LAMA1: variants seen among roughly 807,000 people sequenced by gnomAD.
LAMA1 encodes laminin subunit alpha 1.
LAMA1 carries 219 observed loss-of-function variants against 348.7 expected under a neutral mutation model. The ratio of observed to expected loss-of-function variants is 0.63; its 90% CI spans 0.56 to 0.70. LAMA1 has a LOEUF of 0.70. Among genes scored for constraint, LAMA1 ranks in the 30% least tolerant of loss-of-function variants. The pLI, the probability that LAMA1 is intolerant of heterozygous loss-of-function variation, is 0.00. For synonymous variants in LAMA1, 1,487 were observed against 1,491.0 expected, an observed-to-expected ratio of 1.00 and a Z score of 0.06; for missense variants, 3,744 against 3,888.0, an observed-to-expected ratio of 0.96 and a Z score of 0.99.
intron 11 of LAMA1, 94 bp from the exon 12 acceptor site, chr18:7,037,845 G>A: frequency 1.5e-6 from 2 of 1,305,662 alleles, no homozygotes; most frequent in Non-Finnish European, 2.2e-6. Flanking sequence ...TGAAGAAATG[G>A]GCCAGAAAGC....
chr18:7,083,809 G>A lies in LAMA1; in HGVS notation c.62-3352C>T, dbSNP rs560486250. On this transcript the variant is annotated intron_variant, in intron 1 of 62. Coordinates refer to ENST00000389658, the MANE Select transcript of LAMA1 (RefSeq NM_005559.4). ...GTTGGGGCCGGGCGCAATGGCTCAC[G>A]CCTGTAATCCCAGCACTTCGGGAGG... Among the ~76,000 whole-genome samples the A allele has an allele frequency of 2.7e-3, 406 of 152,112 alleles. 1 individual carries two copies. Among genetic ancestry groups the A allele is most frequent in the Non-Finnish European group, 4.4e-3 (297 of 67,988 alleles).
intron 48 of LAMA1, among the ~76,000 whole-genome samples, chr18:6,968,530 G>T (rs950790780): frequency 2.0e-5 from 3 of 152,196 alleles, no homozygotes; most frequent in Non-Finnish European, 4.4e-5. Context: ...CCTAGCAGAG[G>T]GCCCGGAACG....
Position 7,012,081 on chromosome 18 carries a change from C to A in LAMA1, c.3421G>T (p.Ala1141Ser), listed in dbSNP as rs562297545. The change falls in exon 24 of 63, where the codon GCA (alanine) becomes TCA (serine). Residue 1141 changes from alanine to serine, a missense_variant. Physicochemically the swap from Ala to Ser is moderately conservative, Grantham distance 99 (BLOSUM62 1). Around this residue, in one of 3 missense-constraint regions of LAMA1, gnomAD observed 1,529 missense variants for 1,689.4 expected, o/e 0.91. Transcript: ENST00000389658. ...GGGCTGCAGCCCAGGGGGTTGTCTG[C>A]GCGGAGAGCGAAGGTGCCCTCTCGA... ...ECREGTFALRADNPLGCSPCF... is the reference protein window; with the variant it reads ...ECREGTFALRSDNPLGCSPCF... The A allele has an allele frequency of 6.8e-6, 11 of 1,613,162 alleles. No homozygotes were observed. In the East Asian group the frequency reaches 2.2e-4, roughly 33 times the overall value.
chr18:6,983,315 A>G, intron 39 of LAMA1, 81 bp from the exon 40 acceptor site: 1 of 1,467,158 alleles, frequency 6.8e-7, no homozygotes, highest in Non-Finnish European at 9.5e-7. Context: ...ATAAATGCCT[A>G]CCAGTTTTGA....
chr18:6,992,463 G>A, intron 36 of LAMA1, 98 bp downstream of exon 36: 1 of 1,327,424 alleles, frequency 7.5e-7, no homozygotes, highest in Non-Finnish European at 1.1e-6. Context: ...CATTTCCAGT[G>A]AGCACTTTTC....
rs539364731 is a variant in LAMA1, at chr18:6,990,353, G to A, written c.5168+2208C>T. 3.9e-5 allele frequency among the ~76,000 whole-genome samples: 6 copies of A among 152,178 alleles called. No individual in the cohort carries two copies. In the South Asian group the frequency reaches 1.0e-3, roughly 26 times the overall value. The stretch of plus-strand genomic sequence containing the variant: ...ACCTCAGAAGGGTAACGGTGGGAGG[G>A]GAGAGCCCCACAAAATGATTCTCTA... On this transcript the variant is annotated intron_variant, in intron 36 of 62. Coordinates refer to ENST00000389658, the MANE Select transcript of LAMA1 (RefSeq NM_005559.4).
At chr18:6,950,559 C>T (rs2057541852) in intron 58 of LAMA1, among the ~76,000 whole-genome samples, 1 of 152,148 alleles carries the variant, frequency 6.6e-6, no homozygotes, top group Non-Finnish European at 1.5e-5. Flanking sequence ...CCAATGTTTG[C>T]TGAATGTCTA....
At chr18:7,002,873 A>T (rs2057814162) in intron 29 of LAMA1, among the ~76,000 whole-genome samples, 1 of 143,754 alleles carries the variant, frequency 7.0e-6, no homozygotes. Flanking sequence ...CTTCCAGTTA[A>T]TTTTTTTCTT....
chr18:7,035,195 G>A (rs999308928), intron 13 of LAMA1, among the ~76,000 whole-genome samples: 1 of 152,054 alleles, frequency 6.6e-6, no homozygotes, highest in Non-Finnish European at 1.5e-5. Flanking sequence ...CCCAGACCCT[G>A]GGACATTACC....
intron 5 of LAMA1, among the ~76,000 whole-genome samples, chr18:7,048,383 C>T (rs2058050183): frequency 6.6e-6 from 1 of 152,096 alleles, no homozygotes; most frequent in Non-Finnish European, 1.5e-5. Context: ...TCACACATTG[C>T]TGGTCAGACT....
At chr18:7,010,091 G>A in intron 26 of LAMA1, 109 bp downstream of exon 26, 1 of 1,286,724 alleles carries the variant, frequency 7.8e-7, no homozygotes, top group Non-Finnish European at 1.1e-6. Context: ...ACAGGTGTGA[G>A]CCACCGTACC....
intron 3 of LAMA1, among the ~76,000 whole-genome samples, chr18:7,052,053 G>A (rs1299424278): frequency 1.3e-5 from 2 of 152,084 alleles, no homozygotes; most frequent in Non-Finnish European, 2.9e-5. Context: ...AGAAACACAC[G>A]CTATGGTGCA....
intron 36 of LAMA1, among the ~76,000 whole-genome samples, chr18:6,989,275 TTTG>T (rs142554567): frequency 0.32 from 47,925 of 151,944 alleles, 8,144 homozygotes; most frequent in Non-Finnish European, 0.4. Flanking sequence ...GCTGTGTCCT[TTTG>T]TTCCATCTGG....
chr18:7,097,856 CT>C (rs1197649009), intron 1 of LAMA1, among the ~76,000 whole-genome samples: 1 of 151,402 alleles, frequency 6.6e-6, no homozygotes. Context: ...CCCCTCTCCC[CT>C]CTCCCCACGG....
chr18:7,102,211 A>G (rs2058293944), intron 1 of LAMA1, among the ~76,000 whole-genome samples: 1 of 152,230 alleles, frequency 6.6e-6, no homozygotes, highest in South Asian at 2.1e-4. Context: ...AGGAGATGTT[A>G]TGCTCATATT....
In LAMA1 at chr18:6,966,134, C is replaced by A. The variant is rs1476201372; in HGVS notation, c.7050+13G>T. ...GTATACAGTAGGGCCTAGGGCCGCA[C>A]AAACACTCTTACTGTGCCGTATGAA... On this transcript the variant is annotated intron_variant, in intron 49 of 62. Coordinates refer to ENST00000389658, the MANE Select transcript of LAMA1 (RefSeq NM_005559.4). The A allele has an allele frequency of 6.2e-7, 1 of 1,613,888 alleles. No homozygotes were observed. Among genetic ancestry groups the A allele is most frequent in the South Asian group, 1.1e-5 (1 of 91,070 alleles).
At chr18:6,947,376 T>C in intron 60 of LAMA1, 80 bp from the exon 61 acceptor site, 1 of 1,565,316 alleles carries the variant, frequency 6.4e-7, no homozygotes, top group Non-Finnish European at 8.8e-7. Context: ...GGCTAGGGGT[T>C]GGGGGACCTG....
intron 1 of LAMA1, among the ~76,000 whole-genome samples, chr18:7,109,257 C>T (rs964092298): frequency 4.9e-4 from 75 of 152,312 alleles, no homozygotes; most frequent in African/African-American, 1.6e-3. Context: ...TGGGGAGTTC[C>T]TCGGTGTTAC....
rs1250734206 is a variant in LAMA1 at position 7,007,305 on chromosome 18, A to G, written c.4123-29T>C. 8.7e-6 allele frequency: 14 copies of G among 1,606,548 alleles called. No individual in the cohort carries two copies. The Admixed American group carries it at 1.9e-4, about 21-fold the overall frequency. ...AGGGGGTGCAAAAGGGAGGACAAAA[A>G]AGTCTGATTAATGAGTGAGTGAAGG... is the stretch of plus-strand genomic sequence containing the variant. On this transcript the variant is annotated intron_variant, in intron 28 of 62. Coordinates refer to ENST00000389658, the MANE Select transcript of LAMA1 (RefSeq NM_005559.4).
Sources: allele counts gnomAD v4.1 joint callset (sites outside exome capture counted in the v4.1 genomes callset), GRCh38; gene constraint gnomAD v4.1.1; regional missense constraint gnomAD v4.1.1; transcripts MANE v1.5; gene names NCBI Gene and HGNC (gene_info 2026-07-23, HGNC 2026-07-21).